The following JAG1 variants were observed in gnomAD, a reference collection of about 807,000 sequenced individuals.
JAG1 encodes the protein jagged canonical Notch ligand 1.
Under a neutral mutation model 148.7 loss-of-function variants are expected in JAG1, and 23 were observed. The observed-to-expected ratio is 0.15, with a 90% CI of 0.11 to 0.22. JAG1 has a LOEUF of 0.22. Among genes scored for constraint, JAG1 ranks in the 10% least tolerant of loss-of-function variants. The pLI, the probability that JAG1 is intolerant of heterozygous loss-of-function variation, is 1.00. For missense variants in JAG1, 1,054 were observed against 1,611.2 expected, an observed-to-expected ratio of 0.65 and a Z score of 5.92; for synonymous variants, 572 against 598.3, an observed-to-expected ratio of 0.96 and a Z score of 0.64.
intron 25 of JAG1, 49 bp from the exon 26 acceptor site, chr20:10,640,004 A>C: frequency 6.9e-7 from 1 of 1,443,590 alleles, no homozygotes; most frequent in Non-Finnish European, 9.7e-7. Flanking sequence ...AGAAAGAAAA[A>C]AGCATCATCG....
rs58852175 is a variant in JAG1, at chr20:10,668,092, T to TAA, written c.388-4080_388-4079dup. Reference sequence around the variant, plus strand: ...CCAATGGTAGATGTCACTGGCACCATAAAAAAAAAAAAAAAAAAAAAAAAC... The same window carrying TAA: ...CCAATGGTAGATGTCACTGGCACCATAAAAAAAAAAAAAAAAAAAAAAAAAAC... On this transcript the variant is annotated intron_variant, in intron 2 of 25. Coordinates refer to ENST00000254958, the MANE Select transcript of JAG1 (RefSeq NM_000214.3). Among the ~76,000 whole-genome samples the TAA allele has an allele frequency of 7.8e-4, 84 of 107,242 alleles. 1 individual carries two copies. Among genetic ancestry groups the TAA allele is most frequent in the African/African-American group, 2.8e-3 (77 of 27,492 alleles). 70.4% of individuals were successfully genotyped at this position (107,242 alleles called of 152,430 possible). A position where few individuals can be genotyped will look rare whatever the true frequency, so the allele number is the denominator to read the frequency against.
chr20:10,654,532 G>A (rs146780806), intron 5 of JAG1, among the ~76,000 whole-genome samples: 1 of 151,548 alleles, frequency 6.6e-6, no homozygotes, highest in African/African-American at 2.4e-5. Flanking sequence ...TCTCATGTGG[G>A]GGTGAAAAAA....
Position 10,658,485 on chromosome 20 carries a change from C to A in JAG1, c.677G>T (p.Gly226Val). 6.2e-7 allele frequency: 1 copy of A among 1,614,160 alleles called. No homozygotes were observed. The highest frequency in any genetic ancestry group is 8.5e-7 in the Non-Finnish European group (1 of 1,180,046). The change falls in exon 4 of 26, where the codon GGC (glycine) becomes GTC (valine). Residue 226 changes from glycine (G) to valine (V), a missense_variant. Transcript: ENST00000254958. ...ACACATACCTCTGTTACATTCGGGG[C>A]CCATCCAGCCTTCCATGCAAGTTTT... ...GNKTCMEGWM[G>V]PECNRAICRQ...
chr20:10,671,519 T>A (rs1406066338), intron 2 of JAG1, among the ~76,000 whole-genome samples: 1 of 151,938 alleles, frequency 6.6e-6, no homozygotes, highest in Non-Finnish European at 1.5e-5. Context: ...CCCCTCTGTC[T>A]CCTCCCAGAA....
chr20:10,650,178 C>G, intron 9 of JAG1, 69 bp downstream of exon 9: 1 of 969,406 alleles, frequency 1.0e-6, no homozygotes, highest in East Asian at 2.4e-5. Context: ...ACACGCTCGT[C>G]TTCTGTAATG....
intron 2 of JAG1, 137 bp from the exon 3 acceptor site, chr20:10,664,151 G>T: frequency 1.3e-6 from 1 of 744,684 alleles, no homozygotes; most frequent in Non-Finnish European, 2.4e-6. Context: ...TTGTTGCATT[G>T]AGTTCCTGGA....
chr20:10,663,162 G>C (rs546414145), intron 3 of JAG1, among the ~76,000 whole-genome samples: 20 of 152,338 alleles, frequency 1.3e-4, no homozygotes, highest in African/African-American at 4.8e-4. Context: ...CAAGAAGCTG[G>C]ATCCACTCTT....
chr20:10,650,143 G>C (rs2067335771), intron 9 of JAG1, 104 bp downstream of exon 9: 2 of 739,332 alleles, frequency 2.7e-6, no homozygotes, highest in Admixed American at 4.0e-5. Flanking sequence ...TTAGCATGAT[G>C]GAGTGTGAAC....
chr20:10,647,191 C>T, intron 13 of JAG1, 88 bp from the exon 14 acceptor site: 4 of 1,506,078 alleles, frequency 2.7e-6, no homozygotes, highest in Non-Finnish European at 3.7e-6. Flanking sequence ...GCCCACTTTC[C>T]TGGAGACAGG....
At position 10,638,722 on chromosome 20, in the gene JAG1, G is replaced by A. The variant is rs575347969; in HGVS notation, c.*776C>T. On this transcript the variant is annotated 3_prime_UTR_variant, in exon 26 of 26. Coordinates refer to ENST00000254958, the MANE Select transcript of JAG1 (RefSeq NM_000214.3). Reference sequence around the variant, plus strand: ...AACTATTTTCAAACACCTTAATTTTGGCTTATAGGCAACAAGTAATGAGAA... The same window carrying A: ...AACTATTTTCAAACACCTTAATTTTAGCTTATAGGCAACAAGTAATGAGAA... 6.6e-6 allele frequency: 1 copy of A among 152,530 alleles called. No individual in the cohort carries two copies. The highest frequency in any genetic ancestry group is 2.1e-4 in the South Asian group (1 of 4,818). The allele number at this position is 152,530 out of a possible 1,614,324, so 9.4% of individuals were successfully genotyped here.
chr20:10,672,961 G>C lies in JAG1; in HGVS notation c.127C>G (p.Gln43Glu), dbSNP rs774335658. ...TTCTGCAGCTCCCCGTTCACGTTCT[G>C]CATGGACAGGATCTCCAACTCGAAC... ...GQFELEILSM[Q>E]NVNGELQNGN... Residue 43 changes from glutamine to glutamate, a missense_variant, in exon 2 of 26, where the codon CAG becomes GAG. This residue lies in a region of JAG1 where 151 missense variants were observed against 211.1 expected (regional missense o/e 0.72). Transcript: ENST00000254958. The C allele has an allele frequency of 6.2e-7, 1 of 1,612,346 alleles. No individual in the cohort carries two copies. Among genetic ancestry groups the C allele is most frequent in the Admixed American group, 1.7e-5 (1 of 60,034 alleles).
rs377279630 is a variant in JAG1, at chr20:10,648,150, A to C, written c.1570-40T>G. 1.5e-5 allele frequency: 25 copies of C among 1,613,074 alleles called. No individual in the cohort carries two copies. In the African/African-American group the frequency reaches 3.1e-4, roughly 20 times the overall value. On this transcript the variant is annotated intron_variant, in intron 12 of 25. Coordinates refer to ENST00000254958, the MANE Select transcript of JAG1 (RefSeq NM_000214.3). ...AACAGCGAAAAGGGGGAGGGATCAG[A>C]GTAAAACAAAGGTGTCACGATAACT...
intron 5 of JAG1, among the ~76,000 whole-genome samples, chr20:10,653,573 G>A (rs1050472819): frequency 9.0e-5 from 13 of 144,828 alleles, no homozygotes; most frequent in African/African-American, 2.1e-4. Context: ...CCGGTGGAGC[G>A]TGGAGGGTGG....
intron 12 of JAG1, among the ~76,000 whole-genome samples, 197 bp from the exon 13 acceptor site, chr20:10,648,307 G>T (rs535149608): frequency 6.6e-6 from 1 of 152,276 alleles, no homozygotes; most frequent in Non-Finnish European, 1.5e-5. Context: ...GAGTGGGAGA[G>T]GGAGCACAAG....
In JAG1 at chr20:10,641,161, G is replaced by A. The variant is rs373759023; in HGVS notation, c.3000C>T (p.Ile1000=). The change falls in exon 24 of 26, where the codon ATC becomes ATT. Residue 1000 remains isoleucine, a synonymous_variant. Coordinates refer to ENST00000254958, the MANE Select transcript of JAG1 (RefSeq NM_000214.3). ...KNVSAEYSIY[I]ACEPSPSANN... Reference sequence around the variant, plus strand: ...TCGCTGAAGGGGAAGGCTCGCAAGCGATGTAGATTGAATATTCAGCGGAAA... The same window carrying A: ...TCGCTGAAGGGGAAGGCTCGCAAGCAATGTAGATTGAATATTCAGCGGAAA... 27 of 1,613,870 alleles carry A rather than the reference G, an allele frequency of 1.7e-5. No homozygotes were observed. Among genetic ancestry groups the A allele is most frequent in the East Asian group, 4.5e-5 (2 of 44,892 alleles).
In JAG1 at chr20:10,659,559, C is replaced by CTTTTTTTTTTTTTTTT. The variant is rs35826283; in HGVS notation, c.440-853_440-838dup. 3.1e-4 allele frequency among the ~76,000 whole-genome samples: 33 copies of CTTTTTTTTTTTTTTTT among 105,140 alleles called. 14 individuals carry two copies. The highest frequency in any genetic ancestry group is 2.6e-4 in the African/African-American group (7 of 27,196). 69.0% of individuals were successfully genotyped at this position (105,140 alleles called of 152,430 possible). On this transcript the variant is annotated intron_variant, in intron 3 of 25. Transcript: ENST00000254958. ...GGAAGCCAAGGAGACGATTAAGTTA[C>CTTTTTTTTTTTTTTTT]TTTTTTTTTTTTTTTTTTTTTTTTT...
In JAG1 at chr20:10,673,367, C is replaced by G. The variant is rs1339873431; in HGVS notation, c.81+83G>C. On this transcript the variant is annotated intron_variant, in intron 1 of 25. Transcript: ENST00000254958. This position sits in a 1 kb window ranked among gnomAD's most constrained non-coding sequence, Gnocchi z 4.7. ...GTCGGGCGCTCGAGGGCTGCCGAGC[C>G]TGCTCGCGGGGCTCAACCGCCCAGG... 2.2e-5 allele frequency: 23 copies of G among 1,069,680 alleles called. No homozygotes were observed. Among genetic ancestry groups the G allele is most frequent in the Non-Finnish European group, 3.0e-5 (23 of 763,064 alleles). 66.3% of individuals were successfully genotyped at this position (1,069,680 alleles called of 1,614,324 possible).
chr20:10,650,602 T>G (rs1446084202), intron 8 of JAG1: 6 of 522,174 alleles, frequency 1.1e-5, no homozygotes, highest in South Asian at 4.1e-5. Flanking sequence ...GAAAGACAGC[T>G]GGATACTGAC....
At chr20:10,663,489 C>T (rs1263618509) in intron 3 of JAG1, among the ~76,000 whole-genome samples, 1 of 152,206 alleles carries the variant, frequency 6.6e-6, no homozygotes, top group African/African-American at 2.4e-5. Context: ...GTTTGTGGAG[C>T]AGTGTGGGAA....
Sources: allele counts gnomAD v4.1 joint callset (sites outside exome capture counted in the v4.1 genomes callset), GRCh38; gene constraint gnomAD v4.1.1; regional missense constraint gnomAD v4.1.1; non-coding constraint Gnocchi (gnomAD v3.1); transcripts MANE v1.5; gene names NCBI Gene and HGNC (gene_info 2026-07-23, HGNC 2026-07-21).